Variants in PCDH15 observed in about 807,000 individuals in gnomAD.
The protein encoded by PCDH15 is protocadherin related 15.
In PCDH15, 129 loss-of-function variants were observed where a neutral mutation model predicts 178.5. That is an observed-to-expected ratio of 0.72 (90% CI 0.63 to 0.84). The LOEUF (loss-of-function observed/expected upper bound fraction) is 0.84, where lower values mean the gene tolerates loss of function less well. Among genes scored for constraint, PCDH15 ranks in the 40% least tolerant of loss-of-function variants. The probability of loss-of-function intolerance (pLI) is 0.00; values close to 1 mark genes in which losing one functional copy is unlikely to be tolerated. For synonymous variants in PCDH15, 800 were observed against 732.0 expected, an observed-to-expected ratio of 1.09 and a Z score of -1.50; for missense variants, 2,230 against 2,099.9, an observed-to-expected ratio of 1.06 and a Z score of -1.21.
intron 1 of PCDH15, among the ~76,000 whole-genome samples, chr10:55,208,664 C>T (rs775228941): frequency 6.6e-6 from 1 of 152,052 alleles, no homozygotes; most frequent in African/African-American, 2.4e-5. Context: ...TCAAATCATA[C>T]ACTTTTTTTG....
At chr10:54,119,757 G>C (rs1021257488) in intron 15 of PCDH15, among the ~76,000 whole-genome samples, 1 of 151,904 alleles carries the variant, frequency 6.6e-6, no homozygotes, top group Admixed American at 6.6e-5. Context: ...TCAAAATAGC[G>C]AATTTCATTG....
chr10:55,469,685 C>G (rs893663055), intron 2 of PCDH15, among the ~76,000 whole-genome samples: 2 of 151,898 alleles, frequency 1.3e-5, no homozygotes, highest in Non-Finnish European at 2.9e-5. Flanking sequence ...ATTTCCACTT[C>G]TACTTAAGGG....
intron 27 of PCDH15, among the ~76,000 whole-genome samples, chr10:53,865,365 A>T (rs996150411): frequency 6.6e-6 from 1 of 152,178 alleles, no homozygotes; most frequent in Non-Finnish European, 1.5e-5. Context: ...TGGAAGTTAA[A>T]ATTATTCGGC....
chr10:55,406,438 A>T (rs939380360), intron 2 of PCDH15, among the ~76,000 whole-genome samples: 19 of 152,040 alleles, frequency 1.2e-4, no homozygotes, highest in Non-Finnish European at 1.5e-4. Context: ...GCCAGATTTT[A>T]AAAATATTTT....
At chr10:53,965,108 A>T (rs2088860887) in intron 21 of PCDH15, among the ~76,000 whole-genome samples, 1 of 150,318 alleles carries the variant, frequency 6.7e-6, no homozygotes, top group South Asian at 2.1e-4. Flanking sequence ...CCCGGGCTGG[A>T]GTGCAGTTGC....
At chr10:55,280,305 T>TTTTG (rs1434259602) in intron 1 of PCDH15, among the ~76,000 whole-genome samples, 1 of 136,778 alleles carries the variant, frequency 7.3e-6, no homozygotes, top group East Asian at 2.1e-4. Context: ...TGAGACGGTG[T>TTTTG]TTTGCTCTGT....
At chr10:54,729,689 A>G (rs1021084913) in intron 1 of PCDH15, among the ~76,000 whole-genome samples, 1 of 151,742 alleles carries the variant, frequency 6.6e-6, no homozygotes, top group African/African-American at 2.4e-5. Context: ...CCTATAAGGA[A>G]TTCAAACAAT....
At chr10:54,155,370 T>C (rs1346488335) in intron 13 of PCDH15, among the ~76,000 whole-genome samples, 1 of 152,126 alleles carries the variant, frequency 6.6e-6, no homozygotes, top group Admixed American at 6.6e-5. Flanking sequence ...CAACCACAGT[T>C]GAGCTAAGGT....
chr10:54,556,677 G>A (rs1474358399), intron 2 of PCDH15, among the ~76,000 whole-genome samples: 4 of 144,216 alleles, frequency 2.8e-5, no homozygotes, highest in Non-Finnish European at 4.5e-5. Context: ...TTCAGTGAGA[G>A]CAGGTTAATT....
At chr10:54,417,872 G>C (rs578233911) in intron 3 of PCDH15, among the ~76,000 whole-genome samples, 1 of 152,248 alleles carries the variant, frequency 6.6e-6, no homozygotes, top group South Asian at 2.1e-4. Context: ...TAAATAGAGT[G>C]GTTATGGTTC....
intron 21 of PCDH15, among the ~76,000 whole-genome samples, chr10:53,982,591 G>T (rs1178182913): frequency 6.8e-6 from 1 of 148,122 alleles, no homozygotes; most frequent in Non-Finnish European, 1.5e-5. Context: ...AACACCGCAT[G>T]TTCTCACTCA....
At chr10:54,874,612 G>C (rs1954104817) in intron 3 of PCDH15, among the ~76,000 whole-genome samples, 1 of 151,900 alleles carries the variant, frequency 6.6e-6, no homozygotes, top group Non-Finnish European at 1.5e-5. Flanking sequence ...ACTACCATCA[G>C]AGTTAACAGT....
At chr10:53,890,747 A>G (rs2081498955) in intron 26 of PCDH15, among the ~76,000 whole-genome samples, 1 of 152,092 alleles carries the variant, frequency 6.6e-6, no homozygotes, top group Admixed American at 6.5e-5. Context: ...GAATCCAGGC[A>G]TTTCATTGCC....
At chr10:54,163,480 A>G (rs1233333445) in intron 13 of PCDH15, among the ~76,000 whole-genome samples, 2 of 152,052 alleles carry the variant, frequency 1.3e-5, no homozygotes, top group South Asian at 2.1e-4. Flanking sequence ...GTCACTCACT[A>G]TCATGAGAAT....
At chr10:53,808,632 A>G in intron 37 of PCDH15, 2 of 1,550,662 alleles carry the variant, frequency 1.3e-6, no homozygotes, top group Non-Finnish European at 1.7e-6. Context: ...GAGAACACAC[A>G]GAAGGCACTG....
intron 26 of PCDH15, among the ~76,000 whole-genome samples, chr10:53,891,688 C>T (rs1363037218): frequency 2.0e-5 from 3 of 151,964 alleles, no homozygotes; most frequent in African/African-American, 7.3e-5. Flanking sequence ...CGTTGTGGCT[C>T]ATGCCTGTAA....
chr10:54,648,780 AAGC>A (rs1279388905), intron 2 of PCDH15, among the ~76,000 whole-genome samples: 1 of 152,166 alleles, frequency 6.6e-6, no homozygotes, highest in Non-Finnish European at 1.5e-5. Context: ...ACTCAGCATA[AAGC>A]ATTATTAATA....
chr10:54,224,595 T>C (rs1751792444), intron 9 of PCDH15, among the ~76,000 whole-genome samples: 1 of 152,118 alleles, frequency 6.6e-6, no homozygotes, highest in Non-Finnish European at 1.5e-5. Context: ...TGACATTAAA[T>C]TCACCTGCTA....
At chr10:54,707,014 C>A (rs1029412227) in intron 1 of PCDH15, among the ~76,000 whole-genome samples, 1 of 152,200 alleles carries the variant, frequency 6.6e-6, no homozygotes, top group African/African-American at 2.4e-5. Context: ...AGACCTACTT[C>A]TCTAATATAA....
Sources: allele counts gnomAD v4.1 joint callset (sites outside exome capture counted in the v4.1 genomes callset), GRCh38; gene constraint gnomAD v4.1.1; transcripts MANE v1.5; gene names NCBI Gene and HGNC (gene_info 2026-07-23, HGNC 2026-07-21).